PCDHGB3: variants seen among roughly 807,000 people sequenced by gnomAD.
PCDHGB3 encodes the protein protocadherin gamma subfamily B, 3.
A neutral mutation model predicts 59.2 loss-of-function variants in PCDHGB3; 40 were observed. That is an observed-to-expected ratio of 0.68 (90% CI 0.52 to 0.88). The LOEUF (loss-of-function observed/expected upper bound fraction) is 0.88, where lower values mean the gene tolerates loss of function less well. Ranked by LOEUF, PCDHGB3 falls within the 40% of genes least tolerant of loss-of-function variation. The pLI is 0.00. For synonymous variants in PCDHGB3, 581 were observed against 503.6 expected (o/e 1.15, Z -2.06); for missense variants, 1,309 against 1,187.9 (o/e 1.10, Z -1.50).
chr5:141,456,942 A>C (rs11737987), intron 1 of PCDHGB3, among the ~76,000 whole-genome samples: 42,405 of 152,066 alleles, frequency 0.28, 6,638 homozygotes, highest in African/African-American at 0.43. Flanking sequence ...CAGCCTGGGC[A>C]ACAGAGCAAA....
chr5:141,389,309 T>C (rs763262842), intron 1 of PCDHGB3: 1 of 1,613,900 alleles, frequency 6.2e-7, no homozygotes, highest in African/African-American at 1.3e-5. Context: ...TCAGGGCTTC[T>C]GATCCGGACT....
chr5:141,384,981 G>T (rs1780732379), intron 1 of PCDHGB3: 1 of 1,614,142 alleles, frequency 6.2e-7, no homozygotes, highest in Non-Finnish European at 8.5e-7. Context: ...TGTACCTGGT[G>T]GTGGCGGTGG....
chr5:141,419,794 T>G, intron 1 of PCDHGB3: 1 of 1,614,048 alleles, frequency 6.2e-7, no homozygotes, highest in Non-Finnish European at 8.5e-7. Flanking sequence ...TGCTAGTCGC[T>G]GTAAGAGATG....
At chr5:141,394,739 C>G (rs377359689) in intron 1 of PCDHGB3, 1 of 1,613,390 alleles carries the variant, frequency 6.2e-7, no homozygotes, top group Non-Finnish European at 8.5e-7. Context: ...AGCAGAGCCT[C>G]GTGGTGGCCG....
At chr5:141,508,815 C>T (rs1190983144) in intron 3 of PCDHGB3, among the ~76,000 whole-genome samples, 1 of 152,138 alleles carries the variant, frequency 6.6e-6, no homozygotes, top group East Asian at 1.9e-4. Context: ...TCTTTGAAGC[C>T]AGATCTGGGC....
chr5:141,462,682 G>T (rs560423384), intron 1 of PCDHGB3, among the ~76,000 whole-genome samples: 2 of 151,790 alleles, frequency 1.3e-5, no homozygotes, highest in Non-Finnish European at 2.9e-5. Context: ...TTAAATTTTT[G>T]AGCACATTTA....
rs956263164 is a variant in PCDHGB3 at position 141,511,304 on chromosome 5, C to G, written c.*131C>G. The G allele has an allele frequency of 3.3e-5, 49 of 1,490,320 alleles. No homozygotes were observed. The highest frequency in any genetic ancestry group is 4.2e-5 in the African/African-American group (3 of 71,286). The allele number at this position is 1,490,320 out of a possible 1,614,324, so 92.3% of individuals were successfully genotyped here. ...TGGTAGGGGCCAAGGCCATGCTCCC[C>G]TTGGGAAACAGAAACAAGTGCCCAG... On this transcript the variant is annotated 3_prime_UTR_variant, in exon 4 of 4. Coordinates refer to ENST00000576222, the MANE Select transcript of PCDHGB3 (RefSeq NM_018924.5).
At chr5:141,484,866 C>T in intron 1 of PCDHGB3, 1 of 275,618 alleles carries the variant, frequency 3.6e-6, no homozygotes, top group Non-Finnish European at 6.8e-6. Flanking sequence ...GGTGGGGGAG[C>T]GTGGAGGATA....
chr5:141,486,901 T>A lies in PCDHGB3; in HGVS notation c.2416-7906T>A. The A allele has an allele frequency of 6.2e-7, 1 of 1,614,238 alleles. No homozygotes were observed. Among genetic ancestry groups the A allele is most frequent in the Non-Finnish European group, 8.5e-7 (1 of 1,180,042 alleles). ...CTCGGGCCCGGCCTGGTTCCTTATG[T>A]CCCCAAGCACTGCCTCCATCAGTTG... On this transcript the variant is annotated intron_variant, in intron 1 of 3. Transcript: ENST00000576222. This position sits in a 1 kb window ranked among gnomAD's most constrained non-coding sequence, Gnocchi z 5.0.
intron 1 of PCDHGB3, chr5:141,398,750 A>G (rs144881560): frequency 1.1e-5 from 17 of 1,613,502 alleles, no homozygotes; most frequent in Middle Eastern, 1.6e-4. Flanking sequence ...CAGAGTTACC[A>G]TCGTTTAGTC....
intron 1 of PCDHGB3, among the ~76,000 whole-genome samples, chr5:141,373,441 T>C (rs1232465888): frequency 2.0e-5 from 3 of 152,218 alleles, no homozygotes; most frequent in African/African-American, 7.2e-5. Flanking sequence ...GAGGATCCCT[T>C]GATCCCAGGA....
At chr5:141,391,495 A>G (rs962883294) in intron 1 of PCDHGB3, 2 of 152,136 alleles carry the variant, frequency 1.3e-5, no homozygotes, top group Non-Finnish European at 2.9e-5. Context: ...TGTTTTCAGT[A>G]GAGAAAATAT....
intron 1 of PCDHGB3, chr5:141,426,767 A>C (rs1219028777): frequency 2.2e-6 from 1 of 456,666 alleles, no homozygotes. Flanking sequence ...ATGCAGATGT[A>C]GGGCCTCACT....
chr5:141,436,555 G>A (rs562422182), intron 1 of PCDHGB3, among the ~76,000 whole-genome samples: 1 of 152,252 alleles, frequency 6.6e-6, no homozygotes, highest in South Asian at 2.1e-4. Flanking sequence ...TTGAGCTTCA[G>A]CAAAGTAGGA....
At position 141,493,188 on chromosome 5, in the gene PCDHGB3, C is replaced by T. The variant is rs1292810486; in HGVS notation, c.2416-1619C>T. Among the ~76,000 whole-genome samples the T allele has an allele frequency of 2.6e-5, 4 of 152,216 alleles. No individual in the cohort carries two copies. Among genetic ancestry groups the T allele is most frequent in the Non-Finnish European group, 4.4e-5 (3 of 68,046 alleles). ...ATTGAGAGAAACTTACTATATAACT[C>T]CTTTGAGAACCTCATCTCATTTGCT... On this transcript the variant is annotated intron_variant, in intron 1 of 3. Coordinates refer to ENST00000576222, the MANE Select transcript of PCDHGB3 (RefSeq NM_018924.5). The surrounding 1 kb of genome is among the most constrained non-coding windows in gnomAD (Gnocchi z 4.3).
At chr5:141,389,984 C>A (rs1388496409) in intron 1 of PCDHGB3, 1 of 1,613,952 alleles carries the variant, frequency 6.2e-7, no homozygotes, top group East Asian at 2.2e-5. Flanking sequence ...TCTCAGTGCT[C>A]TTCCTCGTGG....
intron 1 of PCDHGB3, chr5:141,383,720 A>T (rs963032230): frequency 1.2e-5 from 19 of 1,613,888 alleles, no homozygotes; most frequent in Non-Finnish European, 1.6e-5. Flanking sequence ...GAGGGAGTCA[A>T]TGGGGAAGTG....
intron 1 of PCDHGB3, chr5:141,404,234 G>A (rs2094500908): frequency 6.2e-7 from 1 of 1,613,770 alleles, no homozygotes; most frequent in African/African-American, 1.3e-5. Context: ...AACAGACAGA[G>A]GAACTCCGCC....
At position 141,460,912 on chromosome 5, in the gene PCDHGB3, G is replaced by GTGTATATA. The variant is rs145509489; in HGVS notation, c.2416-33894_2416-33893insGTATATAT. ...TCGTGGCTGAGTAATATTCCATGGTGTATATATATATATGTGTGTGTGTAT... is the reference window on the plus strand; with the variant it reads ...TCGTGGCTGAGTAATATTCCATGGTGTGTATATATATATATATATATGTGTGTGTGTAT... On this transcript the variant is annotated intron_variant, in intron 1 of 3. Transcript: ENST00000576222. Among the ~76,000 whole-genome samples the GTGTATATA allele has an allele frequency of 5.0e-3, 740 of 149,316 alleles. 4 individuals are homozygous for GTGTATATA. The highest frequency in any genetic ancestry group is 0.015 in the African/African-American group (617 of 40,618).
Sources: allele counts gnomAD v4.1 joint callset (sites outside exome capture counted in the v4.1 genomes callset), GRCh38; gene constraint gnomAD v4.1.1; non-coding constraint Gnocchi (gnomAD v3.1); transcripts MANE v1.5; gene names NCBI Gene and HGNC (gene_info 2026-07-23, HGNC 2026-07-21).